ANO1: variants seen among roughly 807,000 people sequenced by gnomAD.
The protein encoded by ANO1 is anoctamin-1.
In ANO1, 59 loss-of-function variants were observed where a neutral mutation model predicts 124.0. The observed-to-expected ratio is 0.48, with a 90% CI of 0.39 to 0.59. ANO1 has a LOEUF of 0.59. Ranked by LOEUF, ANO1 falls within the 20% of genes least tolerant of loss-of-function variation. ANO1 has a pLI of 0.00. For synonymous variants in ANO1, 529 were observed against 532.0 expected, an observed-to-expected ratio of 0.99 and a Z score of 0.08; for missense variants, 1,059 against 1,328.0, an observed-to-expected ratio of 0.80 and a Z score of 3.15.
intron 1 of ANO1, among the ~76,000 whole-genome samples, chr11:70,054,690 A>T (rs1857406397): frequency 6.6e-6 from 1 of 152,250 alleles, no homozygotes; most frequent in African/African-American, 2.4e-5. Context: ...CAATTTTATT[A>T]GTCTTTTAAA....
chr11:70,168,232 G>A (rs2048328414), intron 21 of ANO1, among the ~76,000 whole-genome samples: 1 of 152,034 alleles, frequency 6.6e-6, no homozygotes, highest in African/African-American at 2.4e-5. Flanking sequence ...CCCCAGCCCC[G>A]TGGAGCTCAG....
chr11:70,155,011 C>T (rs12806297), intron 14 of ANO1, among the ~76,000 whole-genome samples: 15,384 of 152,264 alleles, frequency 0.1, 934 homozygotes, highest in Middle Eastern at 0.18. Context: ...AAGCATCCGG[C>T]GTGTTTTCAG....
chr11:70,070,542 G>A (rs1857846015), intron 1 of ANO1, among the ~76,000 whole-genome samples: 3 of 152,202 alleles, frequency 2.0e-5, no homozygotes, highest in South Asian at 2.1e-4. Context: ...AGTTAGTCAT[G>A]ACGGGTGCCT....
chr11:70,050,673 C>G (rs1323337491), intron 1 of ANO1, among the ~76,000 whole-genome samples: 3 of 152,186 alleles, frequency 2.0e-5, no homozygotes, highest in Non-Finnish European at 2.9e-5. Context: ...AGGCACCTCA[C>G]AAATGTTTAG....
At chr11:70,021,470 G>A (rs1427082556) in intron 1 of ANO1, among the ~76,000 whole-genome samples, 1 of 134,380 alleles carries the variant, frequency 7.4e-6, no homozygotes, top group Admixed American at 7.6e-5. Flanking sequence ...TTTTGTTGTT[G>A]TTGTTTCTTT....
chr11:69,987,663 A>G (rs1333262910), intron 1 of ANO1, among the ~76,000 whole-genome samples: 4 of 148,234 alleles, frequency 2.7e-5, no homozygotes, highest in Non-Finnish European at 5.9e-5. Context: ...GTCTGAGTCC[A>G]GTTGCTGTGA....
At chr11:69,974,445 A>G in the ANO1 span, among the ~76,000 whole-genome samples, 1 of 152,224 alleles carries the variant, frequency 6.6e-6, no homozygotes, top group African/African-American at 2.4e-5. Flanking sequence ...TGGGCTAGGT[A>G]CTATCATGAA....
the ANO1 span, among the ~76,000 whole-genome samples, chr11:69,970,774 C>T: frequency 6.6e-6 from 1 of 152,192 alleles, no homozygotes; most frequent in African/African-American, 2.4e-5. Context: ...TTCCAGGATC[C>T]CAAGGCTGGT....
the ANO1 span, among the ~76,000 whole-genome samples, chr11:69,966,957 C>T: frequency 2.6e-5 from 4 of 152,128 alleles, no homozygotes; most frequent in African/African-American, 7.2e-5. Flanking sequence ...GTACTGGTGA[C>T]CCTGCAGGGG....
intron 22 of ANO1, among the ~76,000 whole-genome samples, chr11:70,172,119 T>TAA (rs367908728): frequency 0.017 from 2,036 of 120,450 alleles, 71 homozygotes; most frequent in African/African-American, 0.059. Context: ...GAACCTGTCT[T>TAA]AAAAAAAAAA....
intron 10 of ANO1, among the ~76,000 whole-genome samples, chr11:70,127,621 G>T (rs760902914): frequency 6.6e-6 from 1 of 152,190 alleles, no homozygotes; most frequent in Admixed American, 6.5e-5. Context: ...CCTTGAGCCC[G>T]GGAGGTCGAG....
At chr11:70,148,953 A>G (rs12279397) in intron 11 of ANO1, among the ~76,000 whole-genome samples, 81,318 of 152,016 alleles carry the variant, frequency 0.53, 22,040 homozygotes, top group Non-Finnish European at 0.59. Flanking sequence ...TGGCTTCCTG[A>G]AGGAGGCGGC....
At position 70,078,658 on chromosome 11, in the gene ANO1, C is replaced by T. The variant is rs1291196987; in HGVS notation, c.52C>T (p.His18Tyr). Residue 18 changes from histidine to tyrosine, a missense_variant, in exon 1 of 26, where the codon CAC (histidine) becomes TAC (tyrosine). Transcript: ENST00000355303. The stretch of plus-strand genomic sequence containing the variant: ...GCTCCCGGCCGAGGACCGCAGCGTC[C>T]ACATCATCAACATCTGCGCCATCGA... ...STLPAEDRSV[H>Y]IINICAIEDI... The T allele has an allele frequency of 9.3e-6, 14 of 1,502,954 alleles. No individual in the cohort carries two copies. The highest frequency in any genetic ancestry group is 1.1e-5 in the Non-Finnish European group (12 of 1,115,850). The allele number at this position is 1,502,954 out of a possible 1,614,324, so 93.1% of individuals were successfully genotyped here.
At chr11:70,167,710 G>GTATGGTCCCCAGC (rs1454590416) in intron 21 of ANO1, among the ~76,000 whole-genome samples, 7 of 143,124 alleles carry the variant, frequency 4.9e-5, no homozygotes, top group African/African-American at 1.7e-4. Context: ...CAGTCCCCAG[G>GTATGGTCCCCAGC]CACGGTCCCC....
intron 11 of ANO1, among the ~76,000 whole-genome samples, chr11:70,138,830 A>G (rs946857967): frequency 6.6e-5 from 10 of 151,806 alleles, no homozygotes; most frequent in African/African-American, 1.5e-4. Flanking sequence ...GATCTGTTAC[A>G]TGGGTAAACT....
chr11:70,079,789 G>A (rs976296170), intron 1 of ANO1, among the ~76,000 whole-genome samples: 24 of 152,214 alleles, frequency 1.6e-4, no homozygotes, highest in Non-Finnish European at 1.9e-4. Flanking sequence ...GGAATGAAGC[G>A]GGAGCAAAGC....
intron 1 of ANO1, among the ~76,000 whole-genome samples, chr11:70,011,854 G>T (rs1856603508): frequency 6.6e-6 from 1 of 152,114 alleles, no homozygotes; most frequent in Non-Finnish European, 1.5e-5. Flanking sequence ...TGTTACTTGT[G>T]GAAGATCTAT....
chr11:70,173,752 A>C (rs2048565248), intron 22 of ANO1, among the ~76,000 whole-genome samples: 1 of 152,098 alleles, frequency 6.6e-6, no homozygotes, highest in Non-Finnish European at 1.5e-5. Flanking sequence ...TTCACACTTT[A>C]AAGTGAAAAA....
At chr11:70,055,786 TA>T (rs1273561154) in intron 1 of ANO1, among the ~76,000 whole-genome samples, 2 of 152,124 alleles carry the variant, frequency 1.3e-5, no homozygotes, top group Non-Finnish European at 2.9e-5. Flanking sequence ...TTCTTTTTTT[TA>T]ATTGCCATAT....
Sources: gnomAD v4.1 joint callset for allele counts (sites outside exome capture counted in the v4.1 genomes callset) on GRCh38, gnomAD v4.1.1 for gene constraint, MANE v1.5 for transcripts, NCBI Gene and HGNC (gene_info 2026-07-23, HGNC 2026-07-21) for gene names.